The following TCF12 variants were observed in gnomAD, a reference collection of about 807,000 sequenced individuals.
TCF12 encodes the protein DNA-binding protein HTF4.
Under a neutral mutation model 86.0 loss-of-function variants are expected in TCF12, and 45 were observed. That is an observed-to-expected ratio of 0.52 (90% CI 0.41 to 0.67). The LOEUF (loss-of-function observed/expected upper bound fraction) is 0.67, where lower values mean the gene tolerates loss of function less well. Ranked by LOEUF, TCF12 falls within the 30% of genes least tolerant of loss-of-function variation. TCF12 has a pLI of 0.00. For missense variants in TCF12, 881 were observed against 859.9 expected, an observed-to-expected ratio of 1.02 and a Z score of -0.31; for synonymous variants, 330 against 299.6, an observed-to-expected ratio of 1.10 and a Z score of -1.05.
At chr15:57,274,109 T>C (rs2061270253) in intron 19 of TCF12, among the ~76,000 whole-genome samples, 2 of 152,206 alleles carry the variant, frequency 1.3e-5, no homozygotes, top group Admixed American at 6.5e-5. Flanking sequence ...GATGTGGCCC[T>C]AGGTTCCAGA....
intron 3 of TCF12, among the ~76,000 whole-genome samples, chr15:56,921,676 TA>T (rs2059799995): frequency 6.6e-6 from 1 of 152,034 alleles, no homozygotes; most frequent in Non-Finnish European, 1.5e-5. Flanking sequence ...AAAAAATAAC[TA>T]AAGCCATGAC....
intron 3 of TCF12, among the ~76,000 whole-genome samples, chr15:56,934,420 A>G (rs936349208): frequency 1.3e-5 from 2 of 152,336 alleles, no homozygotes; most frequent in Non-Finnish European, 2.9e-5. Context: ...ATGAAACGCT[A>G]GAGAAACTCT....
intron 4 of TCF12, among the ~76,000 whole-genome samples, chr15:57,074,780 C>G (rs1299099699): frequency 6.6e-6 from 1 of 152,148 alleles, no homozygotes; most frequent in Non-Finnish European, 1.5e-5. Context: ...AATCTATATT[C>G]TTATAACAGA....
intron 3 of TCF12, among the ~76,000 whole-genome samples, chr15:57,061,813 TGG>T (rs1461465659): frequency 3.3e-5 from 5 of 152,174 alleles, no homozygotes; most frequent in Non-Finnish European, 5.9e-5. Context: ...CATATATTAG[TGG>T]ATTTTGTAGG....
intron 3 of TCF12, among the ~76,000 whole-genome samples, chr15:56,989,882 A>G (rs2140954053): frequency 6.6e-6 from 1 of 152,298 alleles, no homozygotes; most frequent in Non-Finnish European, 1.5e-5. Flanking sequence ...TGAAATGTCA[A>G]GGTTGCTCTC....
At chr15:57,105,494 A>C (rs1233734902) in intron 5 of TCF12, among the ~76,000 whole-genome samples, 3 of 151,852 alleles carry the variant, frequency 2.0e-5, no homozygotes, top group African/African-American at 7.3e-5. Context: ...TGCTCACTGC[A>C]ATCTCACTCC....
At chr15:56,996,620 C>A (rs777778053) in intron 3 of TCF12, among the ~76,000 whole-genome samples, 6 of 151,684 alleles carry the variant, frequency 4.0e-5, no homozygotes, top group Non-Finnish European at 7.4e-5. Flanking sequence ...CAGTTGGCAA[C>A]TAAAAGAAAA....
chr15:57,209,229 C>T (rs536102916), intron 8 of TCF12, among the ~76,000 whole-genome samples: 1 of 152,250 alleles, frequency 6.6e-6, no homozygotes, highest in South Asian at 2.1e-4. Context: ...TGTTAACTGG[C>T]CTTCTTTGTA....
rs959051676 is a variant in TCF12 at position 57,272,924 on chromosome 15, T to G, written c.1746-106T>G. 4 of 1,055,160 alleles carry G rather than the reference T, an allele frequency of 3.8e-6. No individual in the cohort carries two copies. In the East Asian group the frequency reaches 1.0e-4, roughly 27 times the overall value. The allele number at this position is 1,055,160 out of a possible 1,614,324, so 65.4% of individuals were successfully genotyped here. On this transcript the variant is annotated intron_variant, in intron 18 of 20. Coordinates refer to ENST00000333725, the MANE Select transcript of TCF12 (RefSeq NM_207037.2). ...CACCTATTACAACTGTTTACAAGAT[T>G]TATAGGTGGTTTTCATTTCCATCTT... is the stretch of plus-strand genomic sequence containing the variant.
chr15:57,013,499 T>C (rs1164861122), intron 3 of TCF12, among the ~76,000 whole-genome samples: 2 of 152,144 alleles, frequency 1.3e-5, no homozygotes, highest in Admixed American at 1.3e-4. Flanking sequence ...TTTTGTATTT[T>C]CAGTAGAGAT....
chr15:57,238,325 G>C (rs1313888109), intron 12 of TCF12, among the ~76,000 whole-genome samples: 3 of 152,004 alleles, frequency 2.0e-5, no homozygotes, highest in African/African-American at 7.3e-5. Flanking sequence ...TTGATATAAA[G>C]GAGCTTTCAC....
At chr15:57,210,487 C>A (rs1477840525) in intron 8 of TCF12, among the ~76,000 whole-genome samples, 2 of 152,008 alleles carry the variant, frequency 1.3e-5, no homozygotes, top group Admixed American at 1.3e-4. Context: ...CAGCAAAGAA[C>A]ACTGTAGTTA....
At chr15:57,058,818 G>C (rs1422927972) in intron 3 of TCF12, among the ~76,000 whole-genome samples, 1 of 152,036 alleles carries the variant, frequency 6.6e-6, no homozygotes, top group African/African-American at 2.4e-5. Context: ...ATGAATGTCT[G>C]GGAAAATACA....
chr15:57,262,264 C>G, intron 17 of TCF12, 56 bp downstream of exon 17: 1 of 1,230,214 alleles, frequency 8.1e-7, no homozygotes, highest in Non-Finnish European at 1.2e-6. Context: ...ATTTGGAACA[C>G]TGTCACCTTT....
At chr15:56,984,501 C>T (rs1363908198) in intron 3 of TCF12, among the ~76,000 whole-genome samples, 1 of 152,012 alleles carries the variant, frequency 6.6e-6, no homozygotes, top group African/African-American at 2.4e-5. Context: ...CTTGAAATTC[C>T]AAGACTATGT....
chr15:57,284,582 G>C (rs1426361807), intron 20 of TCF12, among the ~76,000 whole-genome samples: 1 of 152,246 alleles, frequency 6.6e-6, no homozygotes, highest in Non-Finnish European at 1.5e-5. Context: ...TTTCTAAACT[G>C]ATAGATTATT....
intron 4 of TCF12, among the ~76,000 whole-genome samples, chr15:57,064,812 A>AAAAGAG (rs554263213): frequency 2.4e-5 from 3 of 123,416 alleles, no homozygotes; most frequent in East Asian, 2.3e-4. Flanking sequence ...AAAAAAAAAA[A>AAAAGAG]AGAGAGAGAG....
At chr15:56,926,395 C>G (rs1177357103) in intron 3 of TCF12, among the ~76,000 whole-genome samples, 7 of 151,754 alleles carry the variant, frequency 4.6e-5, no homozygotes, top group Non-Finnish European at 1.0e-4. Flanking sequence ...TAGAAAATGT[C>G]AACAAACACA....
At chr15:57,056,186 G>C (rs1596323004) in intron 3 of TCF12, among the ~76,000 whole-genome samples, 1 of 150,352 alleles carries the variant, frequency 6.7e-6, no homozygotes, top group Admixed American at 6.6e-5. Flanking sequence ...TGTTGCCCAG[G>C]CTGGAGTGCA....
Sources: gnomAD v4.1 joint callset for allele counts (sites outside exome capture counted in the v4.1 genomes callset) on GRCh38, gnomAD v4.1.1 for gene constraint, MANE v1.5 for transcripts, NCBI Gene and HGNC (gene_info 2026-07-23, HGNC 2026-07-21) for gene names.